YEATS2: variants seen among roughly 807,000 people sequenced by gnomAD.
The protein encoded by YEATS2 is YEATS domain-containing protein 2.
YEATS2 carries 77 observed loss-of-function variants against 163.2 expected under a neutral mutation model. The ratio of observed to expected loss-of-function variants is 0.47; its 90% CI spans 0.39 to 0.57. The LOEUF is 0.57. Ranked by LOEUF, YEATS2 falls within the 20% of genes least tolerant of loss-of-function variation. The pLI is 0.00. For synonymous variants in YEATS2, 631 were observed against 645.1 expected (o/e 0.98, Z 0.33); for missense variants, 1,549 against 1,729.8 (o/e 0.90, Z 1.85).
chr3:183,793,967 A>G (rs1221495317), intron 21 of YEATS2, among the ~76,000 whole-genome samples: 1 of 152,182 alleles, frequency 6.6e-6, no homozygotes, highest in African/African-American at 2.4e-5. Flanking sequence ...CAGTTTTTCA[A>G]TTAAGTTTTT....
intron 1 of YEATS2, among the ~76,000 whole-genome samples, chr3:183,711,465 T>C (rs1197117819): frequency 1.5e-5 from 2 of 134,092 alleles, no homozygotes; most frequent in South Asian, 2.5e-4. Flanking sequence ...AGCGAGACTC[T>C]GTCTCAAAAA....
chr3:183,743,630 A>G (rs930087616), intron 8 of YEATS2, among the ~76,000 whole-genome samples: 9 of 152,032 alleles, frequency 5.9e-5, no homozygotes, highest in Admixed American at 5.9e-4. Flanking sequence ...AGAGGCGTGA[A>G]CCACCTTGCC....
At chr3:183,777,420 A>G in intron 18 of YEATS2, 122 bp from the exon 19 acceptor site, 1 of 1,053,618 alleles carries the variant, frequency 9.5e-7, no homozygotes, top group Non-Finnish European at 1.4e-6. Context: ...TACATTGCAG[A>G]ATTAAAGGGG....
At position 183,777,718 on chromosome 3, in the gene YEATS2, C is replaced by G. The variant is rs767396561; in HGVS notation, c.2736+18C>G. ...TTACACAGGTAAATACGCCCATGCA[C>G]ACACCCCAAATATGGGGTGATTATG... On this transcript the variant is annotated intron_variant, in intron 19 of 30. Transcript: ENST00000305135. The G allele has an allele frequency of 6.2e-7, 1 of 1,609,318 alleles. No individual in the cohort carries two copies. The highest frequency in any genetic ancestry group is 1.3e-5 in the African/African-American group (1 of 74,878).
chr3:183,713,212 T>C (rs953636566), intron 1 of YEATS2, among the ~76,000 whole-genome samples: 7 of 152,238 alleles, frequency 4.6e-5, no homozygotes, highest in Non-Finnish European at 8.8e-5. Flanking sequence ...ATTTTAGATA[T>C]ATTGGTTAGG....
intron 15 of YEATS2, among the ~76,000 whole-genome samples, chr3:183,762,820 G>A (rs2109355891): frequency 6.6e-6 from 1 of 152,204 alleles, no homozygotes; most frequent in South Asian, 2.1e-4. Flanking sequence ...AGGAGGCTGA[G>A]GCGGGCGGAT....
chr3:183,788,184 A>G (rs921986177), intron 20 of YEATS2, among the ~76,000 whole-genome samples: 2 of 152,008 alleles, frequency 1.3e-5, no homozygotes, highest in Non-Finnish European at 1.5e-5. Flanking sequence ...ACTGTAAAAT[A>G]TATAAGAAAT....
intron 5 of YEATS2, 105 bp from the exon 6 acceptor site, chr3:183,724,314 T>TA (rs1267279717): frequency 1.2e-6 from 1 of 844,980 alleles, no homozygotes; most frequent in East Asian, 2.8e-5. Flanking sequence ...TGTAATTTTT[T>TA]AAAAAAACTT....
At chr3:183,807,181 G>A in intron 28 of YEATS2, 89 bp downstream of exon 28, 8 of 1,205,150 alleles carry the variant, frequency 6.6e-6, no homozygotes, top group Non-Finnish European at 9.4e-6. Context: ...AGACCCAGGT[G>A]TTCAGCCTCA....
Position 183,710,314 on chromosome 3 carries a change from G to T in YEATS2, c.-19-4830G>T, listed in dbSNP as rs540273124. On this transcript the variant is annotated intron_variant, in intron 1 of 30. Transcript: ENST00000305135. Reference sequence around the variant, plus strand: ...AAGGTAATGTTATCATTGGTCATTTGTTACACATTCTGTTCACTTATTTAT... The same window carrying T: ...AAGGTAATGTTATCATTGGTCATTTTTTACACATTCTGTTCACTTATTTAT... 2.6e-5 allele frequency among the ~76,000 whole-genome samples: 4 copies of T among 152,304 alleles called. No homozygotes were observed. In the East Asian group the frequency reaches 7.7e-4, roughly 29 times the overall value.
intron 1 of YEATS2, among the ~76,000 whole-genome samples, chr3:183,708,647 CT>C (rs2108990222): frequency 6.6e-6 from 1 of 152,148 alleles, no homozygotes; most frequent in African/African-American, 2.4e-5. Context: ...CAGAGGATCT[CT>C]TGAGGCCAGG....
rs758195235 is a variant in YEATS2 at position 183,798,894 on chromosome 3, TTCAG to T, written c.3234_3237del (p.Gln1078HisfsTer13). 1.2e-6 allele frequency: 2 copies of T among 1,612,654 alleles called. No individual in the cohort carries two copies. The highest frequency in any genetic ancestry group is 3.3e-5 in the Admixed American group (2 of 60,012). On this transcript the variant is annotated frameshift_variant, in exon 23 of 31. Transcript: ENST00000305135. LOFTEE classifies it high-confidence loss of function. ...CTCCCTCCTTTTTTCCCTTTAGTGG[TTCAG>T]TCATTTTCTACCAGCAAGCCACCTG...
intron 28 of YEATS2, 189 bp downstream of exon 28, chr3:183,807,281 C>T (rs1726312954): frequency 1.7e-6 from 1 of 585,832 alleles, no homozygotes; most frequent in South Asian, 2.0e-5. Context: ...TCAGGGCTCC[C>T]ACCGTCCCAC....
chr3:183,755,138 G>A (rs1181023060), intron 11 of YEATS2, among the ~76,000 whole-genome samples: 1 of 151,048 alleles, frequency 6.6e-6, no homozygotes, highest in Non-Finnish European at 1.5e-5. Flanking sequence ...TTTTTGAGAT[G>A]GAGTTTCACT....
At position 183,761,588 on chromosome 3, in the gene YEATS2, A is replaced by G. The variant is rs1192153328; in HGVS notation, c.1738A>G (p.Thr580Ala). 1.4e-5 allele frequency: 23 copies of G among 1,614,002 alleles called. No individual in the cohort carries two copies. The highest frequency in any genetic ancestry group is 1.9e-5 in the Non-Finnish European group (22 of 1,180,006). ...HPKVQSPKPI[T>A]GGLGAFTKVI... ...TAAGGTTCAAAGCCCCAAACCTATA[A>G]CAGGAGGACTTGGAGCTTTCACAAA... Residue 580 changes from threonine (T) to alanine (A), a missense_variant, in exon 14 of 31, where the codon ACA becomes GCA. Coordinates refer to ENST00000305135, the MANE Select transcript of YEATS2 (RefSeq NM_018023.5).
At chr3:183,711,469 T>A (rs1418667657) in intron 1 of YEATS2, among the ~76,000 whole-genome samples, 64 of 84,078 alleles carry the variant, frequency 7.6e-4, no homozygotes, top group Middle Eastern at 7.1e-3. Flanking sequence ...AGACTCTGTC[T>A]CAAAAAAAAA....
chr3:183,728,192 C>T (rs1717325780), intron 6 of YEATS2, among the ~76,000 whole-genome samples: 1 of 152,106 alleles, frequency 6.6e-6, no homozygotes, highest in Non-Finnish European at 1.5e-5. Context: ...ATCAGCCTCC[C>T]AGCAAGCTGG....
rs1456519170 is a variant in YEATS2, at chr3:183,767,974, T to A, written c.1948-4331T>A. 2.0e-5 allele frequency among the ~76,000 whole-genome samples: 3 copies of A among 152,208 alleles called. No individual in the cohort carries two copies. In the East Asian group the frequency reaches 5.8e-4, roughly 29 times the overall value. On this transcript the variant is annotated intron_variant, in intron 15 of 30. Transcript: ENST00000305135. ...AATGTGTGTATTGTTTTCCCTAAGT[T>A]ATTTGCTTTCTTTGTTTAGGAACAT...
chr3:183,776,253 C>CTA, intron 18 of YEATS2, 130 bp downstream of exon 18: 1 of 990,358 alleles, frequency 1.0e-6, no homozygotes, highest in East Asian at 2.8e-5. Context: ...TTATCTATAT[C>CTA]TATATCTTGG....
Sources: gnomAD v4.1 joint callset for allele counts (sites outside exome capture counted in the v4.1 genomes callset) on GRCh38, gnomAD v4.1.1 for gene constraint, MANE v1.5 for transcripts, NCBI Gene and HGNC (gene_info 2026-07-23, HGNC 2026-07-21) for gene names.